Variants in PKP4 observed in about 807,000 individuals in gnomAD.
PKP4 encodes the protein plakophilin 4, also known as plakophilin-4.
A neutral mutation model predicts 145.1 loss-of-function variants in PKP4; 90 were observed. The ratio of observed to expected loss-of-function variants is 0.62; its 90% CI spans 0.52 to 0.74. PKP4 has a LOEUF of 0.74. PKP4 is among the 30% of genes least tolerant of loss of function. The probability of loss-of-function intolerance (pLI) is 0.00; values close to 1 mark genes in which losing one functional copy is unlikely to be tolerated. For synonymous variants in PKP4, 563 were observed against 577.2 expected (o/e 0.98, Z 0.35); for missense variants, 1,340 against 1,482.7 (o/e 0.90, Z 1.58).
At chr2:158,493,293 T>G (rs1031598120) in intron 1 of PKP4, among the ~76,000 whole-genome samples, 4 of 152,242 alleles carry the variant, frequency 2.6e-5, no homozygotes, top group Non-Finnish European at 5.9e-5. Flanking sequence ...GTTTCCATTA[T>G]TTTGACTATA....
intron 11 of PKP4, among the ~76,000 whole-genome samples, chr2:158,656,009 T>C (rs1338482320): frequency 6.6e-6 from 1 of 152,240 alleles, no homozygotes; most frequent in Non-Finnish European, 1.5e-5. Flanking sequence ...AAAAAAGTGT[T>C]TCTCATGCTT....
At chr2:158,473,575 A>G (rs759200578) in intron 1 of PKP4, among the ~76,000 whole-genome samples, 1 of 152,172 alleles carries the variant, frequency 6.6e-6, no homozygotes, top group East Asian at 1.9e-4. Context: ...CAAATACCAT[A>G]TATTCTCACT....
intron 1 of PKP4, among the ~76,000 whole-genome samples, chr2:158,499,362 G>C (rs1181383079): frequency 1.3e-5 from 2 of 152,034 alleles, no homozygotes; most frequent in African/African-American, 4.8e-5. Flanking sequence ...GCCCCATGTA[G>C]TACCTGTTAG....
At chr2:158,470,811 G>A (rs1691447445) in intron 1 of PKP4, among the ~76,000 whole-genome samples, 1 of 152,246 alleles carries the variant, frequency 6.6e-6, no homozygotes, top group South Asian at 2.1e-4. Context: ...CTTCTACATG[G>A]ACCTCCCCTG....
At chr2:158,663,532 A>G in intron 15 of PKP4, 87 bp downstream of exon 15, 1 of 1,168,192 alleles carries the variant, frequency 8.6e-7, no homozygotes, top group Non-Finnish European at 1.2e-6. Flanking sequence ...CCTCAGTCAG[A>G]TCAGCCCTGA....
chr2:158,616,859 A>G (rs1223428239), intron 4 of PKP4, among the ~76,000 whole-genome samples: 2 of 152,222 alleles, frequency 1.3e-5, no homozygotes, highest in Non-Finnish European at 2.9e-5. Context: ...ACAAAGCAGA[A>G]CCATTTTAAT....
intron 3 of PKP4, among the ~76,000 whole-genome samples, chr2:158,594,219 C>T (rs1452632854): frequency 6.6e-6 from 1 of 152,088 alleles, no homozygotes; most frequent in South Asian, 2.1e-4. Context: ...AGCCTCATGT[C>T]CTGTTGCTGA....
chr2:158,622,181 G>T (rs1223403105), intron 6 of PKP4, among the ~76,000 whole-genome samples: 1 of 152,062 alleles, frequency 6.6e-6, no homozygotes, highest in East Asian at 1.9e-4. Context: ...ATCATCACTG[G>T]AATTATTCTC....
chr2:158,530,483 C>G (rs990831834), intron 1 of PKP4, among the ~76,000 whole-genome samples: 1 of 142,828 alleles, frequency 7.0e-6, no homozygotes, highest in Non-Finnish European at 1.5e-5. Context: ...AGTCTCTTTA[C>G]GATAGAAGTA....
intron 2 of PKP4, among the ~76,000 whole-genome samples, chr2:158,562,803 C>T (rs1396390277): frequency 6.6e-6 from 1 of 152,136 alleles, no homozygotes; most frequent in African/African-American, 2.4e-5. Flanking sequence ...CGAAGTGATT[C>T]AGCCCTAACA....
rs201844281 is a variant in PKP4 at position 158,575,793 on chromosome 2, C to CA, written c.133-1470dup. On this transcript the variant is annotated intron_variant, in intron 2 of 21. Coordinates refer to ENST00000389759, the MANE Select transcript of PKP4 (RefSeq NM_003628.6). ...GAAGTGAACAAATAGAAGTCTATAA[C>CA]AAAAAAAACAAAATGATGCTGTTTA... is the stretch of plus-strand genomic sequence containing the variant. 9.8e-3 allele frequency among the ~76,000 whole-genome samples: 1,414 copies of CA among 144,538 alleles called. 7 individuals carry two copies. Among genetic ancestry groups the CA allele is most frequent in the South Asian group, 0.017 (77 of 4,422 alleles). 94.8% of individuals were successfully genotyped at this position (144,538 alleles called of 152,430 possible).
intron 2 of PKP4, among the ~76,000 whole-genome samples, chr2:158,537,656 T>A (rs2044166520): frequency 6.6e-6 from 1 of 152,138 alleles, no homozygotes; most frequent in Non-Finnish European, 1.5e-5. Flanking sequence ...AAAGGAGGAA[T>A]CTCCTAATAG....
intron 11 of PKP4, among the ~76,000 whole-genome samples, chr2:158,656,482 T>C (rs1027915181): frequency 6.6e-6 from 1 of 152,184 alleles, no homozygotes; most frequent in Admixed American, 6.5e-5. Context: ...TTTACTTGCC[T>C]GATTCAGAAC....
intron 1 of PKP4, among the ~76,000 whole-genome samples, chr2:158,469,215 G>A (rs1188753749): frequency 2.0e-5 from 3 of 151,704 alleles, no homozygotes; most frequent in Non-Finnish European, 4.4e-5. Context: ...TCAGCCCCCC[G>A]AGTAGCTGGG....
chr2:158,656,324 T>TTTTC (rs1490527964), intron 11 of PKP4, among the ~76,000 whole-genome samples: 2 of 151,200 alleles, frequency 1.3e-5, no homozygotes, highest in East Asian at 2.0e-4. Context: ...CTGTAGAATT[T>TTTTC]AAGTTCTTTT....
intron 4 of PKP4, among the ~76,000 whole-genome samples, chr2:158,609,267 A>G (rs2050922685): frequency 6.6e-6 from 1 of 152,194 alleles, no homozygotes; most frequent in Admixed American, 6.5e-5. Context: ...GATACTGAAG[A>G]TAATATGAAA....
intron 1 of PKP4, among the ~76,000 whole-genome samples, chr2:158,463,119 A>G (rs948603344): frequency 2.0e-5 from 3 of 152,226 alleles, no homozygotes; most frequent in Admixed American, 6.5e-5. Context: ...AGGACATTGT[A>G]GAAAAGAGAA....
chr2:158,460,168 G>A (rs1689555813), intron 1 of PKP4, among the ~76,000 whole-genome samples: 2 of 152,002 alleles, frequency 1.3e-5, no homozygotes, highest in Admixed American at 6.6e-5. Flanking sequence ...AAGAAACTAG[G>A]GGCAGCTAGT....
At chr2:158,575,354 C>T (rs909872147) in intron 2 of PKP4, among the ~76,000 whole-genome samples, 4 of 152,116 alleles carry the variant, frequency 2.6e-5, no homozygotes, top group Middle Eastern at 3.2e-3. Flanking sequence ...CAAAGTCACC[C>T]GTTCTGCTTT....
Sources: gnomAD v4.1 joint callset for allele counts (sites outside exome capture counted in the v4.1 genomes callset) on GRCh38, gnomAD v4.1.1 for gene constraint, MANE v1.5 for transcripts, NCBI Gene and HGNC (gene_info 2026-07-23, HGNC 2026-07-21) for gene names.